NT5M: variants seen among roughly 807,000 people sequenced by gnomAD.
The protein encoded by NT5M is 5',3'-nucleotidase, mitochondrial, also known as 5'(3')-deoxyribonucleotidase, mitochondrial.
NT5M carries 22 observed loss-of-function variants against 22.2 expected under a neutral mutation model. The observed-to-expected ratio is 0.99, with a 90% CI of 0.71 to 1.41. The LOEUF (loss-of-function observed/expected upper bound fraction) is 1.41. Ranked by LOEUF, NT5M falls within the 40% of genes most tolerant of loss-of-function variation. NT5M has a pLI of 0.00. For synonymous variants in NT5M, 167 were observed against 133.0 expected, an observed-to-expected ratio of 1.26 and a Z score of -1.76; for missense variants, 322 against 314.8, an observed-to-expected ratio of 1.02 and a Z score of -0.17.
chr17:17,336,554 C>CTTT (rs71355546), intron 3 of NT5M, among the ~76,000 whole-genome samples: 1 of 136,864 alleles, frequency 7.3e-6, no homozygotes. Context: ...TTTTTCTTTT[C>CTTT]TTTTTTTTTT....
At chr17:17,319,435 A>G (rs537736598) in intron 2 of NT5M, among the ~76,000 whole-genome samples, 3 of 152,158 alleles carry the variant, frequency 2.0e-5, no homozygotes, top group Non-Finnish European at 4.4e-5. Flanking sequence ...ATAGGTGAAT[A>G]TTAGGATATA....
intron 2 of NT5M, among the ~76,000 whole-genome samples, chr17:17,310,120 G>A (rs1395484175): frequency 3.9e-5 from 6 of 152,040 alleles, no homozygotes; most frequent in East Asian, 1.9e-4. Context: ...CACCTCGCCC[G>A]GCCTAACTTT....
At chr17:17,319,011 G>T (rs1471268015) in intron 2 of NT5M, among the ~76,000 whole-genome samples, 1 of 151,478 alleles carries the variant, frequency 6.6e-6, no homozygotes, top group Non-Finnish European at 1.5e-5. Context: ...AGGAGTTCGA[G>T]ACCAGCCTGG....
At chr17:17,308,834 TA>T (rs761486562) in intron 2 of NT5M, among the ~76,000 whole-genome samples, 12 of 152,210 alleles carry the variant, frequency 7.9e-5, no homozygotes, top group Non-Finnish European at 1.5e-4. Flanking sequence ...GGATTTCATA[TA>T]AATGGCATCA....
chr17:17,342,092 A>G (rs1361280198), intron 3 of NT5M, among the ~76,000 whole-genome samples: 2 of 152,252 alleles, frequency 1.3e-5, no homozygotes, highest in Admixed American at 6.5e-5. Context: ...ATATATACAT[A>G]TAAAAGCTAA....
At chr17:17,328,032 A>G (rs1218145875) in intron 3 of NT5M, among the ~76,000 whole-genome samples, 5 of 152,210 alleles carry the variant, frequency 3.3e-5, no homozygotes, top group Non-Finnish European at 7.3e-5. Flanking sequence ...AATTCCAAGA[A>G]ATACAATTCC....
chr17:17,334,717 G>T (rs367867604), intron 3 of NT5M, among the ~76,000 whole-genome samples: 167 of 151,480 alleles, frequency 1.1e-3, no homozygotes, highest in African/African-American at 4.0e-3. Flanking sequence ...CTTGTGATCC[G>T]CCCACTTTGG....
chr17:17,309,825 G>GT lies in NT5M; in HGVS notation c.368+3187dup, dbSNP rs200027700. The stretch of plus-strand genomic sequence containing the variant: ...TACGCCAAAAGTAAAAACTTTTGTG[G>GT]TTTTTGTTTTTTTTTTTGAGACGGA... On this transcript the variant is annotated intron_variant, in intron 2 of 4. Coordinates refer to ENST00000389022, the MANE Select transcript of NT5M (RefSeq NM_020201.4). Among the ~76,000 whole-genome samples, 914 of 139,534 alleles carry GT rather than the reference G, an allele frequency of 6.6e-3. 27 individuals carry two copies. Among genetic ancestry groups the GT allele is most frequent in the Non-Finnish European group, 8.1e-3 (514 of 63,616 alleles). The allele number at this position is 139,534 out of a possible 152,430, so 91.5% of individuals were successfully genotyped here. A position where few individuals can be genotyped will look rare whatever the true frequency, so the allele number is the denominator to read the frequency against.
At chr17:17,323,528 C>A (rs181759980) in intron 3 of NT5M, among the ~76,000 whole-genome samples, 1 of 152,314 alleles carries the variant, frequency 6.6e-6, no homozygotes, top group Non-Finnish European at 1.5e-5. Flanking sequence ...CCTGAAGGCA[C>A]GTGGATGCAT....
chr17:17,304,680 A>G (rs537834874), intron 1 of NT5M, among the ~76,000 whole-genome samples: 1 of 152,154 alleles, frequency 6.6e-6, no homozygotes, highest in African/African-American at 2.4e-5. Context: ...GGTAGATATT[A>G]TTATCTCTGT....
chr17:17,342,654 G>A (rs183090132), intron 3 of NT5M, among the ~76,000 whole-genome samples: 1 of 152,306 alleles, frequency 6.6e-6, no homozygotes, highest in East Asian at 1.9e-4. Context: ...GCACCGGCCT[G>A]CCTTGGAACA....
At chr17:17,319,427 AGG>A (rs2049105125) in intron 2 of NT5M, among the ~76,000 whole-genome samples, 10 of 152,312 alleles carry the variant, frequency 6.6e-5, no homozygotes, top group Admixed American at 6.5e-4. Flanking sequence ...CACTTAAAAT[AGG>A]TGAATATTAG....
Position 17,321,745 on chromosome 17 carries a change from G to A in NT5M, c.369-1440G>A, listed in dbSNP as rs193066470. On this transcript the variant is annotated intron_variant, in intron 2 of 4. Coordinates refer to ENST00000389022, the MANE Select transcript of NT5M (RefSeq NM_020201.4). ...TTCAGGGCCTGGCCAGACAGGCCTG[G>A]GTGGAGGATGAGAAGCACAAGCAGA... 6.4e-4 allele frequency among the ~76,000 whole-genome samples: 97 copies of A among 151,996 alleles called. 2 individuals are homozygous for A. The highest frequency in any genetic ancestry group is 6.4e-3 in the Admixed American group (97 of 15,260).
At chr17:17,342,090 A>G (rs1446427555) in intron 3 of NT5M, among the ~76,000 whole-genome samples, 1 of 152,250 alleles carries the variant, frequency 6.6e-6, no homozygotes, top group Non-Finnish European at 1.5e-5. Flanking sequence ...ACATATATAC[A>G]TATAAAAGCT....
chr17:17,306,457 C>G (rs555921925), intron 1 of NT5M, 86 bp from the exon 2 acceptor site: 1 of 865,784 alleles, frequency 1.2e-6, no homozygotes, highest in East Asian at 2.4e-5. Flanking sequence ...AGAACCACTC[C>G]CCCTATAGCC....
chr17:17,324,694 T>C (rs908798336), intron 3 of NT5M, among the ~76,000 whole-genome samples: 8 of 151,718 alleles, frequency 5.3e-5, no homozygotes, highest in Admixed American at 2.0e-4. Context: ...GTGGGTCTTG[T>C]TCTGTCACCC....
At chr17:17,310,964 G>T (rs1360754768) in intron 2 of NT5M, among the ~76,000 whole-genome samples, 2 of 152,060 alleles carry the variant, frequency 1.3e-5, no homozygotes, top group African/African-American at 4.8e-5. Flanking sequence ...TTCAAGATCA[G>T]CCTGGCCAAC....
At chr17:17,308,319 C>T (rs367849864) in intron 2 of NT5M, among the ~76,000 whole-genome samples, 1 of 152,062 alleles carries the variant, frequency 6.6e-6, no homozygotes, top group Non-Finnish European at 1.5e-5. Context: ...ACCAGCTGGG[C>T]GCCGTGGCTC....
Position 17,308,867 on chromosome 17 carries a change from T to C in NT5M, c.368+2224T>C, listed in dbSNP as rs564362181. On this transcript the variant is annotated intron_variant, in intron 2 of 4. Coordinates refer to ENST00000389022, the MANE Select transcript of NT5M (RefSeq NM_020201.4). The stretch of plus-strand genomic sequence containing the variant: ...ATCATATAATATGTGGTCTTTTGGG[T>C]CTGGCTTCTTTCATTTAGCACATGT... Among the ~76,000 whole-genome samples the C allele has an allele frequency of 2.6e-5, 4 of 152,306 alleles. No individual in the cohort carries two copies. The South Asian group carries it at 8.3e-4, about 32-fold the overall frequency.
Sources: allele counts gnomAD v4.1 joint callset (sites outside exome capture counted in the v4.1 genomes callset), GRCh38; gene constraint gnomAD v4.1.1; transcripts MANE v1.5; gene names NCBI Gene and HGNC (gene_info 2026-07-23, HGNC 2026-07-21).